Variants in COLEC12 observed in about 807,000 individuals in gnomAD.
The protein encoded by COLEC12 is collectin subfamily member 12, also known as collectin-12.
In COLEC12, 33 loss-of-function variants were observed where a neutral mutation model predicts 71.1. The ratio of observed to expected loss-of-function variants is 0.46; its 90% confidence interval spans 0.35 to 0.62. The LOEUF is 0.62. Ranked by LOEUF, COLEC12 falls within the 20% of genes least tolerant of loss-of-function variation. The pLI is 0.00. For missense variants in COLEC12, 765 were observed against 916.1 expected (o/e 0.84, Z 2.13); for synonymous variants, 350 against 353.0 (o/e 0.99, Z 0.10).
chr18:480,719 A>G lies in COLEC12; in HGVS notation c.46T>C (p.Tyr16His), dbSNP rs1917397440. 6.2e-7 allele frequency: 1 copy of G among 1,613,928 alleles called. No homozygotes were observed. The highest frequency in any genetic ancestry group is 1.3e-5 in the African/African-American group (1 of 74,904). Residue 16 changes from tyrosine (Y) to histidine (H), a missense_variant, in exon 2 of 10, where the codon TAC (tyrosine) becomes CAC (histidine). By Grantham distance (83) the Tyr-to-His change is moderately conservative. Transcript: ENST00000400256. The surrounding 1 kb of genome is among the most constrained non-coding windows in gnomAD (Gnocchi z 4.1). ...AEEEEVQSFG[Y>H]KRFGIQEGTQ... ...TGTTAGGACTCACCAAACCGCTTGT[A>G]ACCGAAGGATTGCACCTCCTCCTCC...
At chr18:453,400 C>T (rs1183567638) in intron 2 of COLEC12, among the ~76,000 whole-genome samples, 3 of 152,066 alleles carry the variant, frequency 2.0e-5, no homozygotes, top group African/African-American at 7.2e-5. Context: ...AATTATCAGC[C>T]AGTTTCCCCT....
chr18:494,188 C>A (rs1274145446), intron 1 of COLEC12, among the ~76,000 whole-genome samples: 2 of 152,148 alleles, frequency 1.3e-5, no homozygotes, highest in African/African-American at 4.8e-5. Flanking sequence ...CCACGTGGAG[C>A]ACAACTCACT....
chr18:391,953 G>A (rs961261511), intron 2 of COLEC12, among the ~76,000 whole-genome samples: 23 of 152,182 alleles, frequency 1.5e-4, no homozygotes, highest in Non-Finnish European at 2.8e-4. Flanking sequence ...ATTCTGCTGA[G>A]AATATCCTCA....
At chr18:349,701 C>T (rs943080900) in intron 3 of COLEC12, among the ~76,000 whole-genome samples, 1 of 152,184 alleles carries the variant, frequency 6.6e-6, no homozygotes, top group African/African-American at 2.4e-5. Flanking sequence ...AGGGGTGGAG[C>T]TGCCCAAGAC....
intron 2 of COLEC12, among the ~76,000 whole-genome samples, chr18:395,378 C>T (rs139138990): frequency 2.6e-5 from 4 of 152,332 alleles, no homozygotes; most frequent in African/African-American, 9.6e-5. Flanking sequence ...ACAACAGACC[C>T]TCTCATCCCA....
At chr18:349,234 C>T (rs1038406771) in intron 3 of COLEC12, among the ~76,000 whole-genome samples, 2 of 152,310 alleles carry the variant, frequency 1.3e-5, no homozygotes, top group African/African-American at 4.8e-5. Context: ...GGACTTGGTG[C>T]CCTGCTTCCC....
intron 1 of COLEC12, among the ~76,000 whole-genome samples, chr18:489,359 G>A (rs2143787353): frequency 6.6e-6 from 1 of 152,278 alleles, no homozygotes; most frequent in African/African-American, 2.4e-5. Context: ...ACACACACTT[G>A]TCTCAGGAAG....
At chr18:485,606 A>G (rs1277244221) in intron 1 of COLEC12, among the ~76,000 whole-genome samples, 1 of 152,244 alleles carries the variant, frequency 6.6e-6, no homozygotes, top group Non-Finnish European at 1.5e-5. Context: ...AGTAACTGGC[A>G]CAGAGCCACA....
chr18:371,234 A>G (rs1466964972), intron 2 of COLEC12, among the ~76,000 whole-genome samples: 4 of 152,248 alleles, frequency 2.6e-5, no homozygotes, highest in African/African-American at 9.6e-5. Context: ...AATCTCATGT[A>G]GAACTGTGGT....
At chr18:461,407 G>C (rs1035287247) in intron 2 of COLEC12, among the ~76,000 whole-genome samples, 1 of 151,980 alleles carries the variant, frequency 6.6e-6, no homozygotes, top group African/African-American at 2.4e-5. Context: ...ATCTTTTAGA[G>C]ACTGGGTCTT....
intron 1 of COLEC12, among the ~76,000 whole-genome samples, chr18:482,346 TTA>T (rs1917438033): frequency 6.6e-6 from 1 of 152,052 alleles, no homozygotes; most frequent in Non-Finnish European, 1.5e-5. Context: ...ACTCCTGACC[TTA>T]GGTGATCCAC....
intron 2 of COLEC12, among the ~76,000 whole-genome samples, chr18:373,805 G>A (rs1915054478): frequency 6.6e-6 from 1 of 152,018 alleles, no homozygotes; most frequent in Admixed American, 6.6e-5. Context: ...TATACTTGGT[G>A]CACACCCTGT....
At chr18:348,015 C>T in intron 4 of COLEC12, 50 bp downstream of exon 4, 2 of 1,212,124 alleles carry the variant, frequency 1.7e-6, no homozygotes, top group East Asian at 4.7e-5. Flanking sequence ...AAGCTGTGGT[C>T]ATTTATGTAG....
rs368847416 is a variant in COLEC12, at chr18:334,940, G to A, written c.1618C>T (p.Pro540Ser). The A allele has an allele frequency of 2.3e-4, 355 of 1,570,812 alleles. 2 individuals are homozygous for A. The South Asian group carries it at 3.4e-3, about 15-fold the overall frequency. The change falls in exon 6 of 10, where the codon CCT becomes TCT. Residue 540 changes from proline (P) to serine (S), a missense_variant. By Grantham distance (74) the Pro-to-Ser change is moderately conservative. Transcript: ENST00000400256. ...CCCTGGAAGCCAGGAGGGCCCTGAGGGCCGGGGAGTCCCTCTTTGCCTGGT... is the reference window on the plus strand; with the variant it reads ...CCCTGGAAGCCAGGAGGGCCCTGAGAGCCGGGGAGTCCCTCTTTGCCTGGT... ...GPPGKEGLPG[P>S]QGPPGFQGLQ...
chr18:367,826 A>G (rs562900408), intron 2 of COLEC12, among the ~76,000 whole-genome samples: 63 of 152,320 alleles, frequency 4.1e-4, no homozygotes, highest in African/African-American at 1.4e-3. Flanking sequence ...GTCGTGGCCC[A>G]TGCCTGTAAT....
At position 321,700 on chromosome 18, in the gene COLEC12, T is replaced by A; in HGVS notation, c.2171A>T (p.Asp724Val). 1.2e-6 allele frequency: 2 copies of A among 1,614,236 alleles called. No homozygotes were observed. The highest frequency in any genetic ancestry group is 1.7e-6 in the Non-Finnish European group (2 of 1,180,042). ...TTTTTCGCAAATGAAGTTATTGACG[T>A]CTTCACATTGGAAATCGTTCCACTG... ...AGQWNDFQCEDVNNFICEKDR... is the reference protein window; with the variant it reads ...AGQWNDFQCEVVNNFICEKDR... The change falls in exon 9 of 10, where the codon GAC becomes GTC. Residue 724 changes from aspartate to valine, a missense_variant. Physicochemically the swap from Asp to Val is radical, Grantham distance 152 (BLOSUM62 -3). Transcript: ENST00000400256.
intron 2 of COLEC12, among the ~76,000 whole-genome samples, chr18:460,951 G>A (rs1916972081): frequency 6.6e-6 from 1 of 152,160 alleles, no homozygotes; most frequent in African/African-American, 2.4e-5. Flanking sequence ...TTTGTGTGAT[G>A]AGCTAACTTT....
chr18:476,791 A>G (rs1917314388), intron 2 of COLEC12, among the ~76,000 whole-genome samples: 1 of 152,268 alleles, frequency 6.6e-6, no homozygotes, highest in East Asian at 1.9e-4. Flanking sequence ...TATGGAAAAT[A>G]AAAATATACT....
intron 2 of COLEC12, among the ~76,000 whole-genome samples, chr18:458,422 C>T (rs2143728575): frequency 6.6e-6 from 1 of 152,372 alleles, no homozygotes; most frequent in Middle Eastern, 3.4e-3. Flanking sequence ...ACCCAGACAA[C>T]TGAGAACACA....
Sources: gnomAD v4.1 joint callset for allele counts (sites outside exome capture counted in the v4.1 genomes callset) on GRCh38, gnomAD v4.1.1 for gene constraint, Gnocchi (gnomAD v3.1) non-coding constraint, MANE v1.5 for transcripts, NCBI Gene and HGNC (gene_info 2026-07-23, HGNC 2026-07-21) for gene names.